Variants in NSL1 observed in about 807,000 individuals in gnomAD.
NSL1 encodes NSL1 component of MIS12 kinetochore complex, also known as kinetochore-associated protein NSL1 homolog.
In NSL1, 11 loss-of-function variants were observed where a neutral mutation model predicts 25.4. That is an observed-to-expected ratio of 0.43 (90% CI 0.27 to 0.72). The LOEUF (loss-of-function observed/expected upper bound fraction) is 0.72, where lower values mean the gene tolerates loss of function less well. Ranked by LOEUF, NSL1 falls within the 30% of genes least tolerant of loss-of-function variation. The pLI, the probability that NSL1 is intolerant of heterozygous loss-of-function variation, is 0.19. For synonymous variants in NSL1, 118 were observed against 120.6 expected, an observed-to-expected ratio of 0.98 and a Z score of 0.14; for missense variants, 330 against 342.7, an observed-to-expected ratio of 0.96 and a Z score of 0.29.
In NSL1 at chr1:212,734,574, C is replaced by T. The variant is rs573688622; in HGVS notation, c.*3834G>A. Among the ~76,000 whole-genome samples, 15 of 152,288 alleles carry T rather than the reference C, an allele frequency of 9.8e-5. No individual in the cohort carries two copies. The South Asian group carries it at 2.9e-3, about 30-fold the overall frequency. On this transcript the variant is annotated 3_prime_UTR_variant, in exon 6 of 6. Transcript: ENST00000366977. Reference sequence around the variant, plus strand: ...TATCTCCCCTCTCCCCAGAGGGAACCACCATGGCTTAGTTTTGCCCATTCT... The same window carrying T: ...TATCTCCCCTCTCCCCAGAGGGAACTACCATGGCTTAGTTTTGCCCATTCT...
intron 4 of NSL1, among the ~76,000 whole-genome samples, chr1:212,780,035 G>A (rs1457633565): frequency 6.6e-6 from 1 of 152,062 alleles, no homozygotes; most frequent in Non-Finnish European, 1.5e-5. Flanking sequence ...GGGCCATGAT[G>A]ACAATGGCGG....
chr1:212,791,586 G>C lies in NSL1; in HGVS notation c.178C>G (p.Leu60Val), dbSNP rs757515156. Reference sequence around the variant, plus strand: ...ATCTCCTCCGGCAGAGCGTCCCCGAGCTTTTGCACGAAGCGGCCGCACAGT... The same window carrying C: ...ATCTCCTCCGGCAGAGCGTCCCCGACCTTTTGCACGAAGCGGCCGCACAGT... ...LQLCGRFVQK[L>V]GDALPEEIRE... Residue 60 changes from leucine to valine, a missense_variant, in exon 1 of 6, where the codon CTC becomes GTC. Physicochemically the swap from Leu to Val is conservative, Grantham distance 32. Coordinates refer to ENST00000366977, the MANE Select transcript of NSL1 (RefSeq NM_015471.4). 7 of 1,613,904 alleles carry C rather than the reference G, an allele frequency of 4.3e-6. No individual in the cohort carries two copies. The highest frequency in any genetic ancestry group is 5.1e-6 in the Non-Finnish European group (6 of 1,180,030).
rs869066221 is a variant in NSL1 at position 212,786,133 on chromosome 1, TAGAGAG to T, written c.313+1420_313+1425del. ...CCTCCTTCTTTCCTAGATAGATAGA[TAGAGAG>T]AGAGACACACACAGATTGATTTTCA... On this transcript the variant is annotated intron_variant, in intron 2 of 5. Coordinates refer to ENST00000366977, the MANE Select transcript of NSL1 (RefSeq NM_015471.4). Among the ~76,000 whole-genome samples, 5 of 79,124 alleles carry T rather than the reference TAGAGAG, an allele frequency of 6.3e-5. No individual in the cohort carries two copies. The South Asian group carries it at 2.4e-3, about 38-fold the overall frequency. The allele number at this position is 79,124 out of a possible 152,430, so 51.9% of individuals were successfully genotyped here.
chr1:212,768,016 T>C (rs554777941), intron 4 of NSL1, among the ~76,000 whole-genome samples: 11 of 152,252 alleles, frequency 7.2e-5, no homozygotes, highest in African/African-American at 2.6e-4. Flanking sequence ...AATATGGAGA[T>C]TCCTTAAAAA....
At chr1:212,779,345 C>A (rs1210055436) in intron 4 of NSL1, among the ~76,000 whole-genome samples, 2 of 141,998 alleles carry the variant, frequency 1.4e-5, no homozygotes, top group South Asian at 2.2e-4. Context: ...GGGGTCAGCC[C>A]CCCTCCCGGC....
rs766366834 is a variant in NSL1 at position 212,733,731 on chromosome 1, A to G, written c.*4677T>C. Reference sequence around the variant, plus strand: ...TAGTCCACATTTTATTTATCCATTCATCAGTTCATGAAAGTTCAACCTGCT... The same window carrying G: ...TAGTCCACATTTTATTTATCCATTCGTCAGTTCATGAAAGTTCAACCTGCT... On this transcript the variant is annotated 3_prime_UTR_variant, in exon 6 of 6. Transcript: ENST00000366977. 6.6e-6 allele frequency among the ~76,000 whole-genome samples: 1 copy of G among 152,230 alleles called. No homozygotes were observed. The highest frequency in any genetic ancestry group is 1.5e-5 in the Non-Finnish European group (1 of 68,044).
rs1657805140 is a variant in NSL1, at chr1:212,726,724, C to T, written c.*11684G>A. 6.1e-6 allele frequency: 1 copy of T among 164,370 alleles called. No individual in the cohort carries two copies. The highest frequency in any genetic ancestry group is 6.3e-5 in the Admixed American group (1 of 15,962). The allele number at this position is 164,370 out of a possible 1,614,324, so 10.2% of individuals were successfully genotyped here. A position where few individuals can be genotyped will look rare whatever the true frequency, so the allele number is the denominator to read the frequency against. ...TCAATGTCCAGACCGCTGAGCCACT[C>T]TGCAGTCCTCAAATGCAGAGTGATT... On this transcript the variant is annotated 3_prime_UTR_variant, in exon 6 of 6. Coordinates refer to ENST00000366977, the MANE Select transcript of NSL1 (RefSeq NM_015471.4).
At chr1:212,761,271 C>T (rs574618245) in intron 4 of NSL1, among the ~76,000 whole-genome samples, 2 of 152,292 alleles carry the variant, frequency 1.3e-5, no homozygotes, top group African/African-American at 4.8e-5. Flanking sequence ...ATCTATAGGA[C>T]AGGCATTGTG....
At chr1:212,777,789 T>A (rs1452313793) in intron 4 of NSL1, among the ~76,000 whole-genome samples, 2 of 152,222 alleles carry the variant, frequency 1.3e-5, no homozygotes, top group African/African-American at 4.8e-5. Flanking sequence ...TGACAAAATG[T>A]GATTAACACT....
At chr1:212,752,529 A>G (rs1571879364) in intron 4 of NSL1, among the ~76,000 whole-genome samples, 1 of 149,046 alleles carries the variant, frequency 6.7e-6, no homozygotes, top group South Asian at 2.2e-4. Context: ...GGACAGGGAA[A>G]AAAGGGATCT....
At chr1:212,765,818 A>C (rs2102459199) in intron 4 of NSL1, among the ~76,000 whole-genome samples, 1 of 151,204 alleles carries the variant, frequency 6.6e-6, no homozygotes, top group South Asian at 2.1e-4. Context: ...AAAAAAAAAC[A>C]AAAAAAACAG....
chr1:212,761,397 A>G (rs74506745), intron 4 of NSL1, among the ~76,000 whole-genome samples: 3,464 of 152,272 alleles, frequency 0.023, 61 homozygotes, highest in South Asian at 0.041. Flanking sequence ...AAAAATTACA[A>G]AAAATTATTA....
In NSL1 at chr1:212,737,820, T is replaced by C. The variant is rs1265036461; in HGVS notation, c.*588A>G. 15 of 985,438 alleles carry C rather than the reference T, an allele frequency of 1.5e-5. No individual in the cohort carries two copies. Among genetic ancestry groups the C allele is most frequent in the South Asian group, 1.4e-4 (3 of 21,284 alleles). The allele number at this position is 985,438 out of a possible 1,614,324, so 61.0% of individuals were successfully genotyped here. A position where few individuals can be genotyped will look rare whatever the true frequency, so the allele number is the denominator to read the frequency against. On this transcript the variant is annotated 3_prime_UTR_variant, in exon 6 of 6. Transcript: ENST00000366977. ...GCACAAATAATAGTTATCATTGTCT[T>C]ACACAACAAAAAATCCTAAAGTTAA...
Position 212,733,433 on chromosome 1 carries a change from C to CAAAAAAA in NSL1, c.*4968_*4974dup, listed in dbSNP as rs140675222. Among the ~76,000 whole-genome samples the CAAAAAAA allele has an allele frequency of 2.8e-3, 374 of 135,838 alleles. 1 individual carries two copies. The highest frequency in any genetic ancestry group is 9.7e-3 in the African/African-American group (360 of 37,220). The allele number at this position is 135,838 out of a possible 152,430, so 89.1% of individuals were successfully genotyped here. A position where few individuals can be genotyped will look rare whatever the true frequency, so the allele number is the denominator to read the frequency against. On this transcript the variant is annotated 3_prime_UTR_variant, in exon 6 of 6. Coordinates refer to ENST00000366977, the MANE Select transcript of NSL1 (RefSeq NM_015471.4). Reference sequence around the variant, plus strand: ...GGCAACACAGCAAGACCTTGTTTCACAAAAAAAAAAAAAAAAAAATCCCAT... The same window carrying CAAAAAAA: ...GGCAACACAGCAAGACCTTGTTTCACAAAAAAAAAAAAAAAAAAAAAAAAAATCCCAT...
intron 4 of NSL1, among the ~76,000 whole-genome samples, chr1:212,745,341 A>T (rs1013914774): frequency 2.0e-5 from 3 of 151,804 alleles, no homozygotes; most frequent in African/African-American, 7.3e-5. Context: ...AGCTCAACAA[A>T]CTCCAAGCAT....
At chr1:212,779,961 T>C (rs1571916448) in intron 4 of NSL1, among the ~76,000 whole-genome samples, 2 of 150,938 alleles carry the variant, frequency 1.3e-5, no homozygotes, top group South Asian at 2.1e-4. Flanking sequence ...TACTGGGAAG[T>C]GAGGAGCCCC....
intron 4 of NSL1, among the ~76,000 whole-genome samples, chr1:212,761,683 T>A (rs977616137): frequency 1.3e-5 from 2 of 151,700 alleles, no homozygotes; most frequent in Admixed American, 6.6e-5. Flanking sequence ...TTCAAACTAC[T>A]GATATTAAAG....
At chr1:212,782,469 T>C in intron 3 of NSL1, 43 bp from the exon 4 acceptor site, 1 of 1,329,268 alleles carries the variant, frequency 7.5e-7, no homozygotes, top group Non-Finnish European at 1.1e-6. Flanking sequence ...CACTTAATGC[T>C]TCATATAAAC....
At position 212,735,381 on chromosome 1, in the gene NSL1, C is replaced by A; in HGVS notation, c.*3027G>T. The A allele has an allele frequency of 1.0e-6, 1 of 985,378 alleles. No homozygotes were observed. Among genetic ancestry groups the A allele is most frequent in the Non-Finnish European group, 1.2e-6 (1 of 829,912 alleles). 61.0% of individuals were successfully genotyped at this position (985,378 alleles called of 1,614,324 possible). A position where few individuals can be genotyped will look rare whatever the true frequency, so the allele number is the denominator to read the frequency against. On this transcript the variant is annotated 3_prime_UTR_variant, in exon 6 of 6. Coordinates refer to ENST00000366977, the MANE Select transcript of NSL1 (RefSeq NM_015471.4). ...AAGGTGGATAGAGAAGATAGGTGTT[C>A]ACCAGAAATCAAACAAATTCAGCCT...
Sources: allele counts gnomAD v4.1 joint callset (sites outside exome capture counted in the v4.1 genomes callset), GRCh38; gene constraint gnomAD v4.1.1; transcripts MANE v1.5; gene names NCBI Gene and HGNC (gene_info 2026-07-23, HGNC 2026-07-21).